The following CACNA2D3 variants were observed in gnomAD, a reference collection of about 807,000 sequenced individuals.
CACNA2D3 encodes the protein voltage-dependent calcium channel subunit alpha-2/delta-3.
In CACNA2D3, 60 loss-of-function variants were observed where a neutral mutation model predicts 160.6. That is an observed-to-expected ratio of 0.37 (90% CI 0.30 to 0.46). The LOEUF (loss-of-function observed/expected upper bound fraction) is 0.46. CACNA2D3 is among the 20% of genes least tolerant of loss of function. The probability of loss-of-function intolerance (pLI) is 1.00; values close to 1 mark genes in which losing one functional copy is unlikely to be tolerated. For missense variants in CACNA2D3, 1,205 were observed against 1,365.0 expected, an observed-to-expected ratio of 0.88 and a Z score of 1.85; for synonymous variants, 558 against 492.9, an observed-to-expected ratio of 1.13 and a Z score of -1.75.
intron 27 of CACNA2D3, among the ~76,000 whole-genome samples, chr3:54,919,339 T>C (rs1700768311): frequency 6.6e-6 from 1 of 152,210 alleles, no homozygotes; most frequent in Admixed American, 6.5e-5. Flanking sequence ...ATTGTTGTGA[T>C]GTTATGTGTT....
intron 11 of CACNA2D3, among the ~76,000 whole-genome samples, chr3:54,695,284 C>T (rs367707079): frequency 2.3e-4 from 35 of 152,248 alleles, no homozygotes; most frequent in African/African-American, 8.2e-4. Flanking sequence ...TCCCAAAGTA[C>T]TGGTATTAGA....
At chr3:54,845,689 A>T (rs972098629) in intron 16 of CACNA2D3, among the ~76,000 whole-genome samples, 1 of 152,260 alleles carries the variant, frequency 6.6e-6, no homozygotes, top group Non-Finnish European at 1.5e-5. Flanking sequence ...CTAATAAAAC[A>T]TTTCATTGCT....
chr3:54,558,975 A>AG (rs1215220602), intron 5 of CACNA2D3, among the ~76,000 whole-genome samples: 8 of 152,220 alleles, frequency 5.3e-5, no homozygotes, highest in African/African-American at 1.9e-4. Flanking sequence ...GAGGGGGGAT[A>AG]GGAGGTAAAG....
chr3:55,021,423 A>G (rs1703442467), intron 35 of CACNA2D3, among the ~76,000 whole-genome samples: 2 of 150,470 alleles, frequency 1.3e-5, no homozygotes, highest in South Asian at 4.2e-4. Context: ...CCCTTTCCAT[A>G]CTGCCAGAGA....
intron 14 of CACNA2D3, among the ~76,000 whole-genome samples, chr3:54,822,079 C>T (rs2106725355): frequency 6.6e-6 from 1 of 152,264 alleles, no homozygotes; most frequent in East Asian, 1.9e-4. Context: ...TTTACCTGTA[C>T]TTTGCTTTGC....
At chr3:54,307,587 T>C (rs1218839971) in intron 2 of CACNA2D3, among the ~76,000 whole-genome samples, 2 of 152,172 alleles carry the variant, frequency 1.3e-5, no homozygotes, top group Non-Finnish European at 2.9e-5. Flanking sequence ...AATGAAAAGC[T>C]AGGGTCCAGC....
At chr3:54,161,532 TG>T (rs1445407213) in intron 2 of CACNA2D3, among the ~76,000 whole-genome samples, 1 of 152,226 alleles carries the variant, frequency 6.6e-6, no homozygotes, top group Non-Finnish European at 1.5e-5. Context: ...AGTAACTGAA[TG>T]GCATATATGC....
At chr3:54,742,161 A>G (rs1701663458) in intron 11 of CACNA2D3, among the ~76,000 whole-genome samples, 2 of 152,122 alleles carry the variant, frequency 1.3e-5, no homozygotes, top group Admixed American at 6.5e-5. Context: ...GCTCATGCCT[A>G]TAATCCCAGC....
At chr3:54,283,556 G>T (rs1356169968) in intron 2 of CACNA2D3, among the ~76,000 whole-genome samples, 5 of 152,170 alleles carry the variant, frequency 3.3e-5, no homozygotes, top group Non-Finnish European at 7.3e-5. Context: ...TGCTTTAGAG[G>T]CTTACTCTGT....
intron 27 of CACNA2D3, among the ~76,000 whole-genome samples, chr3:54,950,751 C>T (rs2107014521): frequency 6.6e-6 from 1 of 152,244 alleles, no homozygotes; most frequent in South Asian, 2.1e-4. Context: ...TGAGCTGAGC[C>T]TCAGATACCA....
chr3:54,390,254 T>C (rs1033948644), intron 4 of CACNA2D3, among the ~76,000 whole-genome samples: 1 of 152,228 alleles, frequency 6.6e-6, no homozygotes, highest in African/African-American at 2.4e-5. Context: ...CTATTATTAT[T>C]TTCCAAGAGT....
In CACNA2D3 at chr3:54,697,973, A is replaced by G. The variant is rs565622476; in HGVS notation, c.1168-54626A>G. Among the ~76,000 whole-genome samples the G allele has an allele frequency of 9.7e-4, 147 of 152,256 alleles. 1 individual carries two copies. Among genetic ancestry groups the G allele is most frequent in the Non-Finnish European group, 8.7e-4 (59 of 68,028 alleles). On this transcript the variant is annotated intron_variant, in intron 11 of 37. Coordinates refer to ENST00000474759, the MANE Select transcript of CACNA2D3 (RefSeq NM_018398.3). Reference sequence around the variant, plus strand: ...TCTTGTTTTTAAAATCATGCACAATATGTTACGTTAGCAACACTTTGCACA... The same window carrying G: ...TCTTGTTTTTAAAATCATGCACAATGTGTTACGTTAGCAACACTTTGCACA...
Position 55,000,750 on chromosome 3 carries a change from C to G in CACNA2D3, c.2691-4013C>G, listed in dbSNP as rs1443732399. ...GTATTCACAAGTGCAGCCAGCTGTT[C>G]CAGTCTGGCCTGGTGACTCATCAGC... On this transcript the variant is annotated intron_variant, in intron 31 of 37. Coordinates refer to ENST00000474759, the MANE Select transcript of CACNA2D3 (RefSeq NM_018398.3). Among the ~76,000 whole-genome samples the G allele has an allele frequency of 2.0e-5, 3 of 152,184 alleles. No individual in the cohort carries two copies. In the East Asian group the frequency reaches 5.8e-4, roughly 30 times the overall value.
intron 11 of CACNA2D3, among the ~76,000 whole-genome samples, chr3:54,693,030 AACC>A (rs797003162): frequency 6.6e-6 from 1 of 151,598 alleles, no homozygotes; most frequent in African/African-American, 2.4e-5. Context: ...GTAAAAAAAA[AACC>A]ACCACCACCA....
At chr3:54,603,094 T>G (rs893071524) in intron 9 of CACNA2D3, among the ~76,000 whole-genome samples, 1 of 152,200 alleles carries the variant, frequency 6.6e-6, no homozygotes, top group Non-Finnish European at 1.5e-5. Flanking sequence ...TAACCGGAGA[T>G]GAGGGCAAGC....
intron 3 of CACNA2D3, among the ~76,000 whole-genome samples, chr3:54,368,426 T>A (rs947214560): frequency 2.0e-5 from 3 of 152,048 alleles, no homozygotes; most frequent in African/African-American, 7.2e-5. Context: ...TAATAAATAA[T>A]GGTTGAACTT....
intron 4 of CACNA2D3, among the ~76,000 whole-genome samples, chr3:54,419,485 G>T (rs754004142): frequency 1.3e-5 from 2 of 152,166 alleles, no homozygotes; most frequent in African/African-American, 2.4e-5. Context: ...TTATACTATT[G>T]TTCCAATTTC....
chr3:54,796,117 T>C (rs1702861142), intron 13 of CACNA2D3, among the ~76,000 whole-genome samples: 1 of 152,212 alleles, frequency 6.6e-6, no homozygotes. Context: ...TCTTTGCTAG[T>C]CTACAAGGAG....
In CACNA2D3 at chr3:54,216,297, C is replaced by T. The variant is rs577350657; in HGVS notation, c.204+92703C>T. 2.4e-3 allele frequency among the ~76,000 whole-genome samples: 372 copies of T among 152,330 alleles called. 1 individual carries two copies. The highest frequency in any genetic ancestry group is 4.2e-3 in the Non-Finnish European group (285 of 68,038). On this transcript the variant is annotated intron_variant, in intron 2 of 37. Transcript: ENST00000474759. ...AACTACCAAGCTTTTTGGTATCAAT[C>T]TTCTTGCAATAATACACTTCACGTT...
Sources: gnomAD v4.1 joint callset for allele counts (sites outside exome capture counted in the v4.1 genomes callset) on GRCh38, gnomAD v4.1.1 for gene constraint, MANE v1.5 for transcripts, NCBI Gene and HGNC (gene_info 2026-07-23, HGNC 2026-07-21) for gene names.